B3GAT2: variants seen among roughly 807,000 people sequenced by gnomAD.
The protein encoded by B3GAT2 is galactosylgalactosylxylosylprotein 3-beta-glucuronosyltransferase 2.
Under a neutral mutation model 27.8 loss-of-function variants are expected in B3GAT2, and 26 were observed. The observed-to-expected ratio is 0.93, with a 90% CI of 0.68 to 1.30. The LOEUF (loss-of-function observed/expected upper bound fraction) is 1.30. B3GAT2 is among the 50% of genes most tolerant of loss of function. B3GAT2 has a pLI of 0.00. For missense variants in B3GAT2, 458 were observed against 459.0 expected, an observed-to-expected ratio of 1.00 and a Z score of 0.02; for synonymous variants, 218 against 195.1, an observed-to-expected ratio of 1.12 and a Z score of -0.98.
chr6:70,882,440 G>T (rs895284791), intron 2 of B3GAT2, among the ~76,000 whole-genome samples: 2 of 152,146 alleles, frequency 1.3e-5, no homozygotes, highest in Admixed American at 6.5e-5. Flanking sequence ...GGTAGAGCTT[G>T]CAGTGAGCCG....
intron 2 of B3GAT2, among the ~76,000 whole-genome samples, chr6:70,878,187 G>GT (rs1041552501): frequency 3.3e-5 from 5 of 152,092 alleles, no homozygotes; most frequent in African/African-American, 1.2e-4. Flanking sequence ...ATTAGATCAA[G>GT]TTTTTTATAT....
At chr6:70,897,942 G>A (rs1461073527) in intron 1 of B3GAT2, among the ~76,000 whole-genome samples, 1 of 152,022 alleles carries the variant, frequency 6.6e-6, no homozygotes, top group Non-Finnish European at 1.5e-5. Flanking sequence ...GTTTATTTCT[G>A]GATGCTCTAA....
chr6:70,945,293 C>G (rs1028633914), intron 1 of B3GAT2, among the ~76,000 whole-genome samples: 1 of 152,080 alleles, frequency 6.6e-6, no homozygotes, highest in Non-Finnish European at 1.5e-5. Context: ...GGAGGAAATT[C>G]AAGCCAAAGG....
intron 2 of B3GAT2, among the ~76,000 whole-genome samples, chr6:70,868,719 T>TCC (rs202033605): frequency 6.6e-6 from 1 of 151,262 alleles, no homozygotes; most frequent in African/African-American, 2.4e-5. Flanking sequence ...AGCCTCTCTT[T>TCC]CCCCCCCCAC....
At chr6:70,945,166 C>G (rs1765458577) in intron 1 of B3GAT2, among the ~76,000 whole-genome samples, 1 of 152,128 alleles carries the variant, frequency 6.6e-6, no homozygotes, top group East Asian at 1.9e-4. Context: ...AGCAGAGCAC[C>G]TCTCCTCCCC....
chr6:70,925,219 T>C (rs924810365), intron 1 of B3GAT2, among the ~76,000 whole-genome samples: 7 of 152,254 alleles, frequency 4.6e-5, no homozygotes, highest in South Asian at 2.1e-4. Flanking sequence ...CTACAGCTCA[T>C]GCATCTGCGT....
At chr6:70,880,841 T>C (rs552560904) in intron 2 of B3GAT2, among the ~76,000 whole-genome samples, 5 of 152,176 alleles carry the variant, frequency 3.3e-5, no homozygotes, top group Admixed American at 2.0e-4. Flanking sequence ...AATTTTTATA[T>C]TTTTAGTAGA....
chr6:70,923,816 C>A (rs1232076336), intron 1 of B3GAT2, among the ~76,000 whole-genome samples: 1 of 152,106 alleles, frequency 6.6e-6, no homozygotes, highest in Non-Finnish European at 1.5e-5. Context: ...TTTAAAAGTA[C>A]TGAATGACAT....
intron 1 of B3GAT2, among the ~76,000 whole-genome samples, chr6:70,902,629 T>TACACAC (rs1156521355): frequency 6.3e-5 from 9 of 141,996 alleles, no homozygotes; most frequent in African/African-American, 2.2e-4. Flanking sequence ...TATATATATA[T>TACACAC]ATATATATAC....
At chr6:70,862,997 G>A (rs550566980) in intron 2 of B3GAT2, among the ~76,000 whole-genome samples, 116 of 152,190 alleles carry the variant, frequency 7.6e-4, no homozygotes, top group Non-Finnish European at 1.3e-3. Context: ...AGAATCATTC[G>A]TATTTAATCT....
Position 70,859,257 on chromosome 6 carries a change from C to A in B3GAT2, c.*2406G>T. 2 of 1,087,572 alleles carry A rather than the reference C, an allele frequency of 1.8e-6. No individual in the cohort carries two copies. The highest frequency in any genetic ancestry group is 2.6e-6 in the Non-Finnish European group (2 of 761,742). The allele number at this position is 1,087,572 out of a possible 1,614,324, so 67.4% of individuals were successfully genotyped here. ...AAGTGTCAGTCACATGGTCAACATG[C>A]TGAAGCACACCCAGCTCAGGTTAAG... On this transcript the variant is annotated 3_prime_UTR_variant, in exon 4 of 4. Coordinates refer to ENST00000230053, the MANE Select transcript of B3GAT2 (RefSeq NM_080742.3).
Position 70,857,937 on chromosome 6 carries a change from C to T in B3GAT2, c.*3726G>A. 6.2e-7 allele frequency: 1 copy of T among 1,613,884 alleles called. No individual in the cohort carries two copies. The highest frequency in any genetic ancestry group is 8.5e-7 in the Non-Finnish European group (1 of 1,179,916). On this transcript the variant is annotated 3_prime_UTR_variant, in exon 4 of 4. Coordinates refer to ENST00000230053, the MANE Select transcript of B3GAT2 (RefSeq NM_080742.3). ...TGTGGTGCAGGTGTATTTATGGGAC[C>T]CACAAATATACCATTTACCTCACAA...
At position 70,938,453 on chromosome 6, in the gene B3GAT2, C is replaced by T. The variant is rs569175798; in HGVS notation, c.591+17386G>A. ...AAGAGCCCACATCGTCAAGTCAATC[C>T]TAAGCCAAAAGAACAAAGCTGGAGG... On this transcript the variant is annotated intron_variant, in intron 1 of 3. Transcript: ENST00000230053. Among the ~76,000 whole-genome samples the T allele has an allele frequency of 4.0e-3, 608 of 152,070 alleles. 2 individuals carry two copies. Among genetic ancestry groups the T allele is most frequent in the Non-Finnish European group, 6.4e-3 (433 of 67,984 alleles).
intron 1 of B3GAT2, among the ~76,000 whole-genome samples, chr6:70,947,211 A>G (rs1249267193): frequency 6.6e-5 from 10 of 151,944 alleles, no homozygotes; most frequent in African/African-American, 2.4e-4. Context: ...AGCTAGCAGA[A>G]GGCAAGAAAT....
intron 2 of B3GAT2, among the ~76,000 whole-genome samples, chr6:70,868,045 A>T (rs1771879179): frequency 6.6e-6 from 1 of 152,184 alleles, no homozygotes; most frequent in African/African-American, 2.4e-5. Flanking sequence ...TAAAAAAAAA[A>T]ATCTGACTAT....
In B3GAT2 at chr6:70,865,764, C is replaced by T. The variant is rs189388008; in HGVS notation, c.737-3786G>A. 4.0e-3 allele frequency among the ~76,000 whole-genome samples: 602 copies of T among 152,204 alleles called. 2 individuals carry two copies. Among genetic ancestry groups the T allele is most frequent in the African/African-American group, 0.014 (575 of 41,524 alleles). ...AAAATTGCAATAGGGACTGGTTTTT[C>T]CTCACTTGTTTTAAATAACAAAAAG... On this transcript the variant is annotated intron_variant, in intron 2 of 3. Transcript: ENST00000230053.
At chr6:70,902,168 T>C (rs980858663) in intron 1 of B3GAT2, among the ~76,000 whole-genome samples, 4 of 152,132 alleles carry the variant, frequency 2.6e-5, no homozygotes. Context: ...CAATGTGGCA[T>C]TAGTGTAAGG....
intron 1 of B3GAT2, among the ~76,000 whole-genome samples, chr6:70,905,905 A>G (rs77248924): frequency 4.8e-5 from 7 of 144,854 alleles, no homozygotes; most frequent in East Asian, 4.0e-4. Flanking sequence ...GTGTGTGTGT[A>G]TGTGTGTGTG....
At chr6:70,864,527 G>C (rs1771818117) in intron 2 of B3GAT2, among the ~76,000 whole-genome samples, 1 of 152,196 alleles carries the variant, frequency 6.6e-6, no homozygotes, top group African/African-American at 2.4e-5. Context: ...CAGTACCCAA[G>C]TGTTTTTCTA....
Sources: allele counts gnomAD v4.1 joint callset (sites outside exome capture counted in the v4.1 genomes callset), GRCh38; gene constraint gnomAD v4.1.1; transcripts MANE v1.5; gene names NCBI Gene and HGNC (gene_info 2026-07-23, HGNC 2026-07-21).